NUP210L: variants seen among roughly 807,000 people sequenced by gnomAD.
The protein encoded by NUP210L is nuclear pore membrane glycoprotein 210-like.
NUP210L carries 74 observed loss-of-function variants against 208.5 expected under a neutral mutation model. The observed-to-expected ratio is 0.35, with a 90% CI of 0.29 to 0.43. NUP210L has a LOEUF of 0.43. Among genes scored for constraint, NUP210L ranks in the 20% least tolerant of loss-of-function variants. The pLI is 1.00. For missense variants in NUP210L, 1,843 were observed against 2,289.4 expected (o/e 0.81, Z 3.98); for synonymous variants, 780 against 816.9 (o/e 0.95, Z 0.77).
intron 35 of NUP210L, among the ~76,000 whole-genome samples, chr1:154,007,480 G>A (rs961956098): frequency 9.2e-5 from 14 of 151,614 alleles, no homozygotes; most frequent in African/African-American, 2.9e-4. Flanking sequence ...GAGGCTGGTC[G>A]TGAACTCCCG....
intron 25 of NUP210L, among the ~76,000 whole-genome samples, chr1:154,053,006 G>A (rs1653612057): frequency 6.6e-6 from 1 of 152,206 alleles, no homozygotes; most frequent in South Asian, 2.1e-4. Context: ...AACCTCAAAT[G>A]ATATGGCCCG....
At chr1:154,140,573 A>C (rs1658799706) in intron 4 of NUP210L, among the ~76,000 whole-genome samples, 1 of 150,610 alleles carries the variant, frequency 6.6e-6, no homozygotes, top group African/African-American at 2.4e-5. Context: ...AGACTGAGGC[A>C]GGAGAATCGC....
chr1:154,063,083 A>G lies in NUP210L; in HGVS notation c.2555-1409T>C, dbSNP rs575056191. On this transcript the variant is annotated intron_variant, in intron 17 of 39. Coordinates refer to ENST00000368559, the Ensembl canonical transcript of NUP210L. Reference sequence around the variant, plus strand: ...AGAATACAGAAATTAAGAAGAAAACACAATCCTTGCCTTCAAAGAAACCCA... The same window carrying G: ...AGAATACAGAAATTAAGAAGAAAACGCAATCCTTGCCTTCAAAGAAACCCA... 2.6e-5 allele frequency among the ~76,000 whole-genome samples: 4 copies of G among 152,338 alleles called. No individual in the cohort carries two copies. The East Asian group carries it at 7.7e-4, about 29-fold the overall frequency.
intron 33 of NUP210L, among the ~76,000 whole-genome samples, chr1:154,012,770 G>A (rs1321728216): frequency 5.9e-5 from 9 of 151,544 alleles, no homozygotes; most frequent in Non-Finnish European, 1.3e-4. Flanking sequence ...CTGGGAGGCC[G>A]AGGCGGGCGG....
intron 25 of NUP210L, among the ~76,000 whole-genome samples, chr1:154,047,721 G>C (rs950229166): frequency 1.3e-5 from 2 of 152,172 alleles, no homozygotes; most frequent in Non-Finnish European, 2.9e-5. Context: ...GTAAATCTCT[G>C]TTCATGGCTC....
At chr1:154,111,051 T>TA (rs746281644) in intron 12 of NUP210L, among the ~76,000 whole-genome samples, 103 of 124,860 alleles carry the variant, frequency 8.2e-4, no homozygotes, top group Admixed American at 1.2e-3. Flanking sequence ...TTAGCCAGAC[T>TA]AAAAAAAAAA....
At chr1:154,114,075 G>T (rs923859841) in intron 12 of NUP210L, among the ~76,000 whole-genome samples, 2 of 151,156 alleles carry the variant, frequency 1.3e-5, no homozygotes, top group South Asian at 4.2e-4. Context: ...CTCGAGAGGC[G>T]GAGGTTGCAA....
At chr1:154,038,373 G>A (rs1278528795) in intron 27 of NUP210L, among the ~76,000 whole-genome samples, 6 of 141,816 alleles carry the variant, frequency 4.2e-5, no homozygotes, top group East Asian at 2.0e-4. Context: ...ATGGAGTTTC[G>A]CTTTTGTTGC....
At chr1:154,145,582 T>A (rs994530847) in intron 2 of NUP210L, among the ~76,000 whole-genome samples, 2 of 152,092 alleles carry the variant, frequency 1.3e-5, no homozygotes, top group Non-Finnish European at 2.9e-5. Flanking sequence ...TTACTCATCC[T>A]GAAATTACTT....
intron 10 of NUP210L, among the ~76,000 whole-genome samples, chr1:154,125,011 G>C (rs994896666): frequency 5.0e-4 from 76 of 151,600 alleles, no homozygotes; most frequent in African/African-American, 1.8e-3. Flanking sequence ...ATGTGCATAT[G>C]AAATACATCA....
chr1:154,047,763 C>T (rs1441459760), intron 25 of NUP210L, among the ~76,000 whole-genome samples: 1 of 152,120 alleles, frequency 6.6e-6, no homozygotes, highest in Admixed American at 6.6e-5. Flanking sequence ...CCCCTGATTT[C>T]CCACTCCACA....
At position 154,071,627 on chromosome 1, in the gene NUP210L, CTTTT is replaced by C. The variant is rs893742878; in HGVS notation, c.2362-1166_2362-1163del. 1.6e-4 allele frequency among the ~76,000 whole-genome samples: 16 copies of C among 99,792 alleles called. No individual in the cohort carries two copies. The East Asian group carries it at 3.8e-3, about 24-fold the overall frequency. 65.5% of individuals were successfully genotyped at this position (99,792 alleles called of 152,430 possible). Reference sequence around the variant, plus strand: ...TGCTGCAAATACCATCAATTCATTCCTTTTTTTTTTTTTTTTTTTTTTTTTTGAG... The same window carrying C: ...TGCTGCAAATACCATCAATTCATTCCTTTTTTTTTTTTTTTTTTTTTTGAG... On this transcript the variant is annotated intron_variant, in intron 16 of 39. Transcript: ENST00000368559.
At chr1:154,105,493 A>G (rs1461054890) in intron 12 of NUP210L, among the ~76,000 whole-genome samples, 1 of 152,122 alleles carries the variant, frequency 6.6e-6, no homozygotes, top group Non-Finnish European at 1.5e-5. Context: ...CGTTAAAAAA[A>G]AAAAAGAGCC....
intron 34 of NUP210L, among the ~76,000 whole-genome samples, chr1:154,010,910 A>G (rs560611338): frequency 6.6e-6 from 1 of 152,134 alleles, no homozygotes; most frequent in Non-Finnish European, 1.5e-5. Flanking sequence ...AAAATAAAGC[A>G]GTACAGTTGG....
Position 154,070,485 on chromosome 1 carries a change from A to G in NUP210L, c.2362-20T>C, listed in dbSNP as rs1259377334. On this transcript the variant is annotated intron_variant, in intron 16 of 39. Coordinates refer to ENST00000368559, the Ensembl canonical transcript of NUP210L. Reference sequence around the variant, plus strand: ...AGGAATCTGCATTAAAATAAAAAGTAATAAAACAACAATTTAAAAATCAAT... The same window carrying G: ...AGGAATCTGCATTAAAATAAAAAGTGATAAAACAACAATTTAAAAATCAAT... The G allele has an allele frequency of 4.7e-6, 7 of 1,482,466 alleles. No homozygotes were observed. The highest frequency in any genetic ancestry group is 6.3e-6 in the Non-Finnish European group (7 of 1,104,538). 91.8% of individuals were successfully genotyped at this position (1,482,466 alleles called of 1,614,324 possible).
rs149391398 is a variant in NUP210L, at chr1:153,997,883, T to A, written c.5387-2703A>T. ...TTTATTTATTTTTATTTATTTTTTT[T>A]ATTTTTAGTAGAGACGGGGTTTCAC... On this transcript the variant is annotated intron_variant, in intron 37 of 39. Coordinates refer to ENST00000368559, the Ensembl canonical transcript of NUP210L. Among the ~76,000 whole-genome samples the A allele has an allele frequency of 9.0e-4, 136 of 151,916 alleles. No individual in the cohort carries two copies. In the East Asian group the frequency reaches 0.024, roughly 26 times the overall value.
At chr1:154,044,766 C>T (rs1463958296) in intron 27 of NUP210L, among the ~76,000 whole-genome samples, 2 of 152,074 alleles carry the variant, frequency 1.3e-5, no homozygotes, top group African/African-American at 4.8e-5. Context: ...TGTCCTTTTT[C>T]CTAAGGTAAA....
At chr1:154,089,040 G>T (rs867695765) in intron 16 of NUP210L, among the ~76,000 whole-genome samples, 12 of 152,114 alleles carry the variant, frequency 7.9e-5, no homozygotes, top group African/African-American at 2.9e-4. Flanking sequence ...AAATTTGGAA[G>T]TTATGTAGTC....
chr1:154,125,313 G>A (rs1657833061), intron 10 of NUP210L, among the ~76,000 whole-genome samples: 1 of 151,872 alleles, frequency 6.6e-6, no homozygotes, highest in African/African-American at 2.4e-5. Flanking sequence ...TGCCAGGCAT[G>A]GTGGTGGATG....
Sources: allele counts gnomAD v4.1 joint callset (sites outside exome capture counted in the v4.1 genomes callset), GRCh38; gene constraint gnomAD v4.1.1; transcripts MANE v1.5; gene names NCBI Gene and HGNC (gene_info 2026-07-23, HGNC 2026-07-21).